The following SLC24A2 variants were observed in gnomAD, a reference collection of about 807,000 sequenced individuals.
SLC24A2 encodes sodium/potassium/calcium exchanger 2.
Under a neutral mutation model 62.0 loss-of-function variants are expected in SLC24A2, and 36 were observed. The ratio of observed to expected loss-of-function variants is 0.58; its 90% CI spans 0.44 to 0.77. The LOEUF (loss-of-function observed/expected upper bound fraction) is 0.77. SLC24A2 is among the 30% of genes least tolerant of loss of function. SLC24A2 has a pLI of 0.00. For synonymous variants in SLC24A2, 358 were observed against 294.0 expected (o/e 1.22, Z -2.23); for missense variants, 846 against 817.9 (o/e 1.03, Z -0.42).
chr9:19,990,303 C>T, the SLC24A2 span, among the ~76,000 whole-genome samples: 1 of 152,030 alleles, frequency 6.6e-6, no homozygotes. Flanking sequence ...TACCCATGGT[C>T]ACCTACGGTC....
intron 2 of SLC24A2, among the ~76,000 whole-genome samples, chr9:19,750,323 C>T (rs112839195): frequency 0.018 from 2,778 of 151,924 alleles, 46 homozygotes; most frequent in South Asian, 0.037. Context: ...TTCTTAAACT[C>T]AACATGCTCA....
At chr9:20,034,549 C>T in the SLC24A2 span, among the ~76,000 whole-genome samples, 23 of 150,820 alleles carry the variant, frequency 1.5e-4, 1 homozygote, top group African/African-American at 5.4e-4. Context: ...AAGCTCTGCA[C>T]CCCCCACCCC....
At chr9:19,873,274 CTCTTTCTT>C in the SLC24A2 span, among the ~76,000 whole-genome samples, 1 of 150,050 alleles carries the variant, frequency 6.7e-6, no homozygotes, top group Non-Finnish European at 1.5e-5. Flanking sequence ...TTTCTTTTCT[CTCTTTCTT>C]TCTTTCTTCT....
chr9:20,195,537 T>C, the SLC24A2 span, among the ~76,000 whole-genome samples: 23 of 152,344 alleles, frequency 1.5e-4, no homozygotes, highest in African/African-American at 4.8e-4. Flanking sequence ...TTGTCTGCCT[T>C]TTTCTCTCAA....
chr9:20,281,923 T>G, the SLC24A2 span, among the ~76,000 whole-genome samples: 2 of 152,230 alleles, frequency 1.3e-5, no homozygotes, highest in East Asian at 3.8e-4. Flanking sequence ...TGTTTTGTAG[T>G]CTTTGTTGAA....
At chr9:19,920,721 A>G in the SLC24A2 span, among the ~76,000 whole-genome samples, 1 of 152,218 alleles carries the variant, frequency 6.6e-6, no homozygotes, top group Non-Finnish European at 1.5e-5. Flanking sequence ...TGTGTGACAC[A>G]TATCTACAAC....
the SLC24A2 span, among the ~76,000 whole-genome samples, chr9:19,946,870 CATT>C: frequency 6.6e-6 from 1 of 152,198 alleles, no homozygotes; most frequent in African/African-American, 2.4e-5. Flanking sequence ...GCTGTTTTCT[CATT>C]GTTGTTACTG....
At chr9:19,972,291 T>A in the SLC24A2 span, among the ~76,000 whole-genome samples, 1 of 152,114 alleles carries the variant, frequency 6.6e-6, no homozygotes, top group African/African-American at 2.4e-5. Flanking sequence ...GGGCATGAAG[T>A]CAAATGCCGT....
In SLC24A2 at chr9:19,521,005, G is replaced by A; in HGVS notation, c.1625C>T (p.Ala542Val). The A allele has an allele frequency of 6.2e-7, 1 of 1,614,092 alleles. No homozygotes were observed. The highest frequency in any genetic ancestry group is 8.5e-7 in the Non-Finnish European group (1 of 1,179,984). The change falls in exon 10 of 11, where the codon GCT becomes GTT. Residue 542 changes from alanine (A) to valine (V), a missense_variant. Ala to Val is a moderately conservative substitution (Grantham distance 64). Coordinates refer to ENST00000341998, the MANE Select transcript of SLC24A2 (RefSeq NM_020344.4). Reference protein sequence around the residue: ...EEIMGLTILAAGTSIPDLITS... With the variant: ...EEIMGLTILAVGTSIPDLITS... ...GATAAGATCAGGGATGGAGGTCCCA[G>A]CAGCCAAGATGGTCAGGCCCATAAT...
At chr9:19,860,725 G>A in the SLC24A2 span, among the ~76,000 whole-genome samples, 2 of 152,154 alleles carry the variant, frequency 1.3e-5, no homozygotes, top group African/African-American at 4.8e-5. Context: ...CCCGATGGGT[G>A]AGTCCTAGAC....
intron 8 of SLC24A2, among the ~76,000 whole-genome samples, chr9:19,533,217 C>A (rs962139263): frequency 1.3e-5 from 2 of 152,148 alleles, no homozygotes. Flanking sequence ...GTATGTTCAT[C>A]TTCTTGGGCA....
chr9:20,033,436 A>T, the SLC24A2 span, among the ~76,000 whole-genome samples: 1 of 151,924 alleles, frequency 6.6e-6, no homozygotes. Context: ...GAAAAAATGA[A>T]TTGGAAAATA....
At position 19,512,765 on chromosome 9, in the gene SLC24A2, T is replaced by A. The variant is rs1327864227; in HGVS notation, c.*3388A>T. ...AGATTGATTAGTACAATGTTGGCTC[T>A]TGAATTGTTGATATCTTTTATACCC... On this transcript the variant is annotated 3_prime_UTR_variant, in exon 11 of 11. Coordinates refer to ENST00000341998, the MANE Select transcript of SLC24A2 (RefSeq NM_020344.4). 1 of 152,154 alleles carries A rather than the reference T, an allele frequency of 6.6e-6. No individual in the cohort carries two copies. The highest frequency in any genetic ancestry group is 6.6e-5 in the Admixed American group (1 of 15,266). The allele number at this position is 152,154 out of a possible 1,614,324, so 9.4% of individuals were successfully genotyped here.
At chr9:19,916,083 T>C in the SLC24A2 span, among the ~76,000 whole-genome samples, 1 of 152,088 alleles carries the variant, frequency 6.6e-6, no homozygotes, top group East Asian at 1.9e-4. Context: ...ATAATTTCTA[T>C]AAATGGTGTG....
the SLC24A2 span, among the ~76,000 whole-genome samples, chr9:19,873,489 TTCTCTTTC>T: frequency 7.4e-6 from 1 of 134,396 alleles, no homozygotes; most frequent in African/African-American, 2.6e-5. Flanking sequence ...CCTTCCTTCC[TTCTCTTTC>T]TTTCTTTCTT....
intron 8 of SLC24A2, among the ~76,000 whole-genome samples, chr9:19,540,718 C>T (rs1450109502): frequency 2.8e-5 from 4 of 145,032 alleles, no homozygotes; most frequent in South Asian, 4.6e-4. Context: ...ATCTTTGTGG[C>T]ATTCTCTGTA....
chr9:19,584,932 G>C (rs1275582559), intron 5 of SLC24A2, among the ~76,000 whole-genome samples: 1 of 152,032 alleles, frequency 6.6e-6, no homozygotes, highest in African/African-American at 2.4e-5. Flanking sequence ...AGTGTCTTTA[G>C]TAAATATTTT....
chr9:20,296,869 T>A, the SLC24A2 span, among the ~76,000 whole-genome samples: 1 of 152,248 alleles, frequency 6.6e-6, no homozygotes, highest in Non-Finnish European at 1.5e-5. Flanking sequence ...TACACCTGAC[T>A]GTTTATGCTT....
At chr9:19,654,964 C>G (rs2118192376) in intron 2 of SLC24A2, among the ~76,000 whole-genome samples, 1 of 152,332 alleles carries the variant, frequency 6.6e-6, no homozygotes, top group Admixed American at 6.5e-5. Flanking sequence ...CTCAAAAAAG[C>G]CACTTTCCTT....
Sources: allele counts gnomAD v4.1 joint callset (sites outside exome capture counted in the v4.1 genomes callset), GRCh38; gene constraint gnomAD v4.1.1; transcripts MANE v1.5; gene names NCBI Gene and HGNC (gene_info 2026-07-23, HGNC 2026-07-21).